The following CFAP20DC variants were observed in gnomAD, a reference collection of about 807,000 sequenced individuals.
CFAP20DC encodes the protein protein CFAP20DC.
In CFAP20DC, 84 loss-of-function variants were observed where a neutral mutation model predicts 101.7. The observed-to-expected ratio is 0.83, with a 90% CI of 0.69 to 0.99. CFAP20DC has a LOEUF of 0.99. Ranked by LOEUF, CFAP20DC falls within the 50% of genes least tolerant of loss-of-function variation. The pLI is 0.00. For synonymous variants in CFAP20DC, 359 were observed against 351.2 expected (o/e 1.02, Z -0.25); for missense variants, 1,007 against 970.3 (o/e 1.04, Z -0.50).
chr3:58,836,449 C>T (rs529168005), intron 13 of CFAP20DC, among the ~76,000 whole-genome samples: 1 of 152,264 alleles, frequency 6.6e-6, no homozygotes, highest in African/African-American at 2.4e-5. Flanking sequence ...TTTTGAGCCT[C>T]AGATAGGAAC....
At chr3:58,730,788 AT>A (rs946532174) in intron 3 of CFAP20DC, among the ~76,000 whole-genome samples, 57 of 149,922 alleles carry the variant, frequency 3.8e-4, no homozygotes, top group African/African-American at 6.6e-4. Flanking sequence ...TAACTACAGA[AT>A]TTTTTTTTTT....
intron 6 of CFAP20DC, among the ~76,000 whole-genome samples, chr3:58,890,550 T>C (rs1324810358): frequency 7.5e-6 from 1 of 133,598 alleles, no homozygotes; most frequent in East Asian, 2.4e-4. Flanking sequence ...ACGGGGCGGC[T>C]AGCCGGGTGG....
At chr3:58,821,421 C>G (rs1321828811) in intron 14 of CFAP20DC, among the ~76,000 whole-genome samples, 1 of 152,148 alleles carries the variant, frequency 6.6e-6, no homozygotes, top group African/African-American at 2.4e-5. Flanking sequence ...TATCCAGAAT[C>G]TACAATGAAC....
At chr3:58,764,955 C>T (rs1349252087) in intron 15 of CFAP20DC, among the ~76,000 whole-genome samples, 1 of 152,080 alleles carries the variant, frequency 6.6e-6, no homozygotes, top group Non-Finnish European at 1.5e-5. Flanking sequence ...ATTAAATACA[C>T]AAGTAAAAAT....
rs1225516810 is a variant in CFAP20DC, at chr3:59,001,561, G to A, written c.278+37996C>T. Among the ~76,000 whole-genome samples, 2 of 152,130 alleles carry A rather than the reference G, an allele frequency of 1.3e-5. No individual in the cohort carries two copies. The highest frequency in any genetic ancestry group is 2.4e-5 in the African/African-American group (1 of 41,410). On this transcript the variant is annotated intron_variant, in intron 4 of 16. Coordinates refer to ENST00000482387, the MANE Select transcript of CFAP20DC (RefSeq NM_001394063.1). This position sits in a 1 kb window ranked among gnomAD's most constrained non-coding sequence, Gnocchi z 4.5. ...CGAATAGCTGGGATTATAGGCATGC[G>A]CCACCACGCCCAGCTAATTTTGTAT...
In CFAP20DC at chr3:58,849,360, T is replaced by G; in HGVS notation, c.1643A>C (p.Glu548Ala). ...GCTCTCTAATGTTAACTGAGTTAACTCTGAAGGACCAGTTGTTGGGCCTCG... is the reference window on the plus strand; with the variant it reads ...GCTCTCTAATGTTAACTGAGTTAACGCTGAAGGACCAGTTGTTGGGCCTCG... ...GSRGPTTGPS[E>A]LTQLTLESLL... Residue 548 changes from glutamate (E) to alanine (A), a missense_variant, in exon 13 of 17, where the codon GAG becomes GCG. Physicochemically the swap from Glu to Ala is moderately radical, Grantham distance 107. Transcript: ENST00000482387. The G allele has an allele frequency of 6.5e-7, 1 of 1,535,390 alleles. No homozygotes were observed. The highest frequency in any genetic ancestry group is 1.4e-5 in the African/African-American group (1 of 73,132).
At chr3:58,845,389 A>G (rs2077538714) in intron 13 of CFAP20DC, among the ~76,000 whole-genome samples, 1 of 152,162 alleles carries the variant, frequency 6.6e-6, no homozygotes, top group African/African-American at 2.4e-5. Context: ...AAACAACTCT[A>G]CGCAAATAAA....
intron 4 of CFAP20DC, among the ~76,000 whole-genome samples, chr3:58,994,870 G>A (rs578113620): frequency 3.3e-5 from 5 of 151,720 alleles, no homozygotes; most frequent in South Asian, 2.1e-4. Flanking sequence ...CAACAATTCC[G>A]GCAGGTGAGG....
Position 59,047,274 on chromosome 3 carries a change from T to C in CFAP20DC, c.22-20A>G. 3 of 1,467,408 alleles carry C rather than the reference T, an allele frequency of 2.0e-6. No homozygotes were observed. Among genetic ancestry groups the C allele is most frequent in the Non-Finnish European group, 2.8e-6 (3 of 1,085,078 alleles). The allele number at this position is 1,467,408 out of a possible 1,614,324, so 90.9% of individuals were successfully genotyped here. On this transcript the variant is annotated intron_variant, in intron 1 of 16. Transcript: ENST00000482387. ...ACCTCCCTAGAAAATGAAAATAAAA[T>C]ATTAAAAGACAATGCTAACGAGGAA... is the stretch of plus-strand genomic sequence containing the variant.
chr3:58,750,697 G>A (rs917018082), intron 16 of CFAP20DC, among the ~76,000 whole-genome samples: 1 of 152,172 alleles, frequency 6.6e-6, no homozygotes, highest in Non-Finnish European at 1.5e-5. Flanking sequence ...TTGAGGGGTT[G>A]GACCACATCA....
At chr3:58,778,724 G>A (rs930080418) in intron 15 of CFAP20DC, among the ~76,000 whole-genome samples, 2 of 152,304 alleles carry the variant, frequency 1.3e-5, no homozygotes, top group Admixed American at 1.3e-4. Context: ...ATACAGGCAT[G>A]GTCAGCCCAC....
chr3:59,049,886 T>C lies in CFAP20DC; in HGVS notation c.-255A>G, dbSNP rs1250847962. 1 of 566,642 alleles carries C rather than the reference T, an allele frequency of 1.8e-6. No individual in the cohort carries two copies. Among genetic ancestry groups the C allele is most frequent in the Non-Finnish European group, 3.1e-6 (1 of 319,360 alleles). 35.1% of individuals were successfully genotyped at this position (566,642 alleles called of 1,614,324 possible). ...CGGGTCTGGGGAGGGCGCAGCTGCCTGGACGGACTCCGGGCCGTCCCTGGG... is the reference window on the plus strand; with the variant it reads ...CGGGTCTGGGGAGGGCGCAGCTGCCCGGACGGACTCCGGGCCGTCCCTGGG... On this transcript the variant is annotated 5_prime_UTR_variant, in exon 1 of 17. Coordinates refer to ENST00000482387, the MANE Select transcript of CFAP20DC (RefSeq NM_001394063.1).
intron 16 of CFAP20DC, among the ~76,000 whole-genome samples, chr3:58,750,893 T>C (rs561987174): frequency 2.6e-5 from 4 of 152,348 alleles, no homozygotes; most frequent in African/African-American, 9.6e-5. Flanking sequence ...TCTATAACTC[T>C]TTAACTGCCA....
chr3:58,818,498 C>A (rs1407911349), intron 14 of CFAP20DC, among the ~76,000 whole-genome samples: 1 of 151,388 alleles, frequency 6.6e-6, no homozygotes, highest in African/African-American at 2.4e-5. Context: ...ATCCTAGTCT[C>A]TGATAAAACA....
chr3:58,823,841 A>G (rs2075856211), intron 14 of CFAP20DC, among the ~76,000 whole-genome samples: 1 of 152,184 alleles, frequency 6.6e-6, no homozygotes, highest in South Asian at 2.1e-4. Context: ...CCATAAATTA[A>G]TTTCATTGTT....
At position 58,810,018 on chromosome 3, in the gene CFAP20DC, C is replaced by G. The variant is rs920699790; in HGVS notation, c.2176-3562G>C. On this transcript the variant is annotated intron_variant, in intron 14 of 16. Transcript: ENST00000482387. ...ACTAAACCAGGAAGAAGTTGAATCT[C>G]TGAATAGACCAATAACAGGCTCTGA... is the stretch of plus-strand genomic sequence containing the variant. Among the ~76,000 whole-genome samples, 9 of 152,136 alleles carry G rather than the reference C, an allele frequency of 5.9e-5. 1 individual carries two copies. The highest frequency in any genetic ancestry group is 5.9e-4 in the Admixed American group (9 of 15,270).
chr3:58,784,039 T>C (rs1322269788), intron 15 of CFAP20DC, among the ~76,000 whole-genome samples: 2 of 148,680 alleles, frequency 1.3e-5, no homozygotes, highest in Admixed American at 6.6e-5. Flanking sequence ...ATTGTTTCTA[T>C]TGTTGCCATT....
chr3:58,931,562 C>G (rs1032964129), intron 5 of CFAP20DC, among the ~76,000 whole-genome samples: 15 of 152,188 alleles, frequency 9.9e-5, no homozygotes, highest in Non-Finnish European at 2.1e-4. Flanking sequence ...GGCGGGTACT[C>G]CTCTGAGACA....
chr3:58,842,569 G>A (rs2077224993), intron 13 of CFAP20DC, among the ~76,000 whole-genome samples: 1 of 152,100 alleles, frequency 6.6e-6, no homozygotes, highest in African/African-American at 2.4e-5. Flanking sequence ...AAACTGCAAG[G>A]CGGCAGCGAG....
Sources: gnomAD v4.1 joint callset for allele counts (sites outside exome capture counted in the v4.1 genomes callset) on GRCh38, gnomAD v4.1.1 for gene constraint, Gnocchi (gnomAD v3.1) non-coding constraint, MANE v1.5 for transcripts, NCBI Gene and HGNC (gene_info 2026-07-23, HGNC 2026-07-21) for gene names.